EPB41L3: variants seen among roughly 807,000 people sequenced by gnomAD.
EPB41L3 encodes the protein band 4.1-like protein 3.
EPB41L3 carries 57 observed loss-of-function variants against 127.1 expected under a neutral mutation model. That is an observed-to-expected ratio of 0.45 (90% confidence interval 0.36 to 0.56). The LOEUF is 0.56. Among genes scored for constraint, EPB41L3 ranks in the 20% least tolerant of loss-of-function variants. The pLI, the probability that EPB41L3 is intolerant of heterozygous loss-of-function variation, is 0.00. For missense variants in EPB41L3, 1,273 were observed against 1,372.2 expected (o/e 0.93, Z 1.14); for synonymous variants, 572 against 549.5 (o/e 1.04, Z -0.57).
At chr18:5,420,659 A>G (rs2077364250) in intron 11 of EPB41L3, among the ~76,000 whole-genome samples, 1 of 152,242 alleles carries the variant, frequency 6.6e-6, no homozygotes, top group Non-Finnish European at 1.5e-5. Flanking sequence ...AGAGAATAAG[A>G]CAGAGCCTTT....
intron 16 of EPB41L3, among the ~76,000 whole-genome samples, chr18:5,405,073 AATGGAT>A (rs2075145222): frequency 6.6e-6 from 1 of 152,196 alleles, no homozygotes; most frequent in Non-Finnish European, 1.5e-5. Context: ...AAGTCATTCA[AATGGAT>A]ATAGACCTAT....
chr18:5,523,905 T>C (rs1246398930), intron 1 of EPB41L3, among the ~76,000 whole-genome samples: 1 of 152,220 alleles, frequency 6.6e-6, no homozygotes, highest in African/African-American at 2.4e-5. Flanking sequence ...TAGATCTCTA[T>C]ATATAATGCT....
chr18:5,497,105 T>C (rs1019250097), intron 1 of EPB41L3, among the ~76,000 whole-genome samples: 11 of 152,082 alleles, frequency 7.2e-5, no homozygotes, highest in Non-Finnish European at 4.4e-5. Context: ...AGGAAGATGA[T>C]TGCCCAGGCT....
chr18:5,482,643 T>C, intron 2 of EPB41L3, among the ~76,000 whole-genome samples: 1 of 152,076 alleles, frequency 6.6e-6, no homozygotes. Flanking sequence ...GAGCTCCAAA[T>C]TGCCTGGTAA....
intron 13 of EPB41L3, among the ~76,000 whole-genome samples, chr18:5,413,931 T>G (rs544227197): frequency 2.6e-5 from 4 of 152,368 alleles, no homozygotes. Flanking sequence ...AATGCAGACA[T>G]GCCCAAGTTT....
chr18:5,602,058 A>T (rs1242273046), intron 3 of EPB41L3, among the ~76,000 whole-genome samples: 1 of 152,104 alleles, frequency 6.6e-6, no homozygotes, highest in Non-Finnish European at 1.5e-5. Flanking sequence ...GTTAAGTAGG[A>T]TTTTTCAATG....
chr18:5,394,905 G>T, intron 21 of EPB41L3, 112 bp from the exon 22 acceptor site: 1 of 1,204,158 alleles, frequency 8.3e-7, no homozygotes, highest in Non-Finnish European at 1.2e-6. Flanking sequence ...TTACAAATGA[G>T]GTACAATGAT....
At chr18:5,476,222 A>T (rs1183933456) in intron 3 of EPB41L3, among the ~76,000 whole-genome samples, 2 of 152,154 alleles carry the variant, frequency 1.3e-5, no homozygotes, top group Admixed American at 6.6e-5. Context: ...GTATTTTCTG[A>T]TATCAATGTC....
At chr18:5,609,931 G>A (rs538078483) in intron 3 of EPB41L3, among the ~76,000 whole-genome samples, 10 of 152,098 alleles carry the variant, frequency 6.6e-5, no homozygotes, top group South Asian at 4.2e-4. Flanking sequence ...ATTCATCTTC[G>A]TTTCATTTGA....
chr18:5,599,518 G>A (rs535712831), intron 3 of EPB41L3, among the ~76,000 whole-genome samples: 1 of 152,214 alleles, frequency 6.6e-6, no homozygotes, highest in African/African-American at 2.4e-5. Context: ...GTGGGGCCTG[G>A]TAGGAGGTGA....
At chr18:5,616,724 T>A (rs369512533) in intron 1 of EPB41L3, among the ~76,000 whole-genome samples, 1 of 152,150 alleles carries the variant, frequency 6.6e-6, no homozygotes, top group Non-Finnish European at 1.5e-5. Context: ...TTCAGTTTCT[T>A]AGCCTTATAA....
chr18:5,410,844 C>T (rs1568033026), intron 13 of EPB41L3, among the ~76,000 whole-genome samples: 1 of 152,208 alleles, frequency 6.6e-6, no homozygotes, highest in South Asian at 2.1e-4. Flanking sequence ...CTGAGGCACA[C>T]TCAGCCTGCA....
rs2080131776 is a variant in EPB41L3 at position 5,438,116 on chromosome 18, A to G, written c.530-6T>C. 1 of 1,612,812 alleles carries G rather than the reference A, an allele frequency of 6.2e-7. No homozygotes were observed. Among genetic ancestry groups the G allele is most frequent in the African/African-American group, 1.3e-5 (1 of 74,900 alleles). On this transcript the variant is annotated splice_polypyrimidine_tract_variant and splice_region_variant and intron_variant, in intron 5 of 22. Coordinates refer to ENST00000341928, the MANE Select transcript of EPB41L3 (RefSeq NM_012307.5). ...TGAAAAGTGCCAAGCACCACCTGCA[A>G]GGATGGAAAAAAATTAGAGTAAAAC...
chr18:5,480,507 T>C (rs1421408819), intron 2 of EPB41L3, among the ~76,000 whole-genome samples: 1 of 152,214 alleles, frequency 6.6e-6, no homozygotes, highest in African/African-American at 2.4e-5. Context: ...TGGATTTGAA[T>C]GGAATTCAAA....
At chr18:5,589,587 G>A (rs2094468486) in intron 3 of EPB41L3, among the ~76,000 whole-genome samples, 1 of 152,104 alleles carries the variant, frequency 6.6e-6, no homozygotes, top group Admixed American at 6.6e-5. Flanking sequence ...AAAAGAAAAT[G>A]TTTGAAAAGA....
intron 3 of EPB41L3, among the ~76,000 whole-genome samples, chr18:5,585,595 C>T (rs1008819831): frequency 1.3e-5 from 2 of 152,168 alleles, no homozygotes; most frequent in African/African-American, 4.8e-5. Context: ...CTCTTCTGAA[C>T]GTGTTAACCA....
At chr18:5,521,974 A>G (rs565243616) in intron 1 of EPB41L3, among the ~76,000 whole-genome samples, 1 of 152,358 alleles carries the variant, frequency 6.6e-6, no homozygotes, top group African/African-American at 2.4e-5. Context: ...TACAGTTAAA[A>G]TTTTAACTTG....
chr18:5,483,035 C>G (rs2088896713), intron 2 of EPB41L3, among the ~76,000 whole-genome samples: 1 of 152,110 alleles, frequency 6.6e-6, no homozygotes, highest in East Asian at 1.9e-4. Flanking sequence ...AATCATAACT[C>G]TAGTATGAAG....
At chr18:5,551,789 A>G (rs1318902733) in intron 3 of EPB41L3, among the ~76,000 whole-genome samples, 1 of 152,228 alleles carries the variant, frequency 6.6e-6, no homozygotes, top group Non-Finnish European at 1.5e-5. Context: ...GTGGACTTAT[A>G]CAATTCTCTC....
Sources: allele counts gnomAD v4.1 joint callset (sites outside exome capture counted in the v4.1 genomes callset), GRCh38; gene constraint gnomAD v4.1.1; transcripts MANE v1.5; gene names NCBI Gene and HGNC (gene_info 2026-07-23, HGNC 2026-07-21).